The following AGGF1 variants were observed in gnomAD, a reference collection of about 807,000 sequenced individuals.
The protein encoded by AGGF1 is angiogenic factor with G patch and FHA domains 1.
Under a neutral mutation model 86.5 loss-of-function variants are expected in AGGF1, and 56 were observed. That is an observed-to-expected ratio of 0.65 (90% confidence interval 0.52 to 0.81). AGGF1 has a LOEUF of 0.81. Among genes scored for constraint, AGGF1 ranks in the 30% least tolerant of loss-of-function variants. The pLI is 0.00. For synonymous variants in AGGF1, 313 were observed against 297.1 expected (o/e 1.05, Z -0.55); for missense variants, 816 against 850.9 (o/e 0.96, Z 0.51).
At chr5:77,033,403 A>G (rs1580122124) in intron 1 of AGGF1, among the ~76,000 whole-genome samples, 1 of 152,212 alleles carries the variant, frequency 6.6e-6, no homozygotes, top group Non-Finnish European at 1.5e-5. Flanking sequence ...CTAAAGCATC[A>G]AGTATAGTGC....
At chr5:77,045,317 A>G (rs563684207) in intron 5 of AGGF1, among the ~76,000 whole-genome samples, 3 of 152,340 alleles carry the variant, frequency 2.0e-5, no homozygotes, top group South Asian at 4.1e-4. Context: ...CTGAGAGCAA[A>G]TTTTAAGTTT....
intron 5 of AGGF1, among the ~76,000 whole-genome samples, chr5:77,043,662 T>C (rs1375046039): frequency 2.3e-5 from 3 of 129,502 alleles, no homozygotes; most frequent in Admixed American, 1.5e-4. Flanking sequence ...ATGGGGCGGC[T>C]GGCCGGGCGG....
rs775877518 is a variant in AGGF1 at position 77,046,343 on chromosome 5, C to G, written c.871-4C>G. ...TTCCCTCGTATCTACCCACCCTTCT[C>G]CAGGATTTGAACTCAGAGGATCAAA... On this transcript the variant is annotated splice_polypyrimidine_tract_variant and splice_region_variant and intron_variant, in intron 5 of 13. Transcript: ENST00000312916. The G allele has an allele frequency of 6.2e-7, 1 of 1,612,156 alleles. No individual in the cohort carries two copies. Among genetic ancestry groups the G allele is most frequent in the Non-Finnish European group, 8.5e-7 (1 of 1,178,688 alleles).
At chr5:77,046,309 T>C in intron 5 of AGGF1, 38 bp from the exon 6 acceptor site, 1 of 1,505,766 alleles carries the variant, frequency 6.6e-7, no homozygotes, top group Non-Finnish European at 9.2e-7. Flanking sequence ...TTAAGAGTAT[T>C]CTCCCCTGTT....
chr5:77,063,386 T>G lies in AGGF1; in HGVS notation c.*134T>G. 1.0e-6 allele frequency: 1 copy of G among 1,002,156 alleles called. No homozygotes were observed. Among genetic ancestry groups the G allele is most frequent in the South Asian group, 1.6e-5 (1 of 64,370 alleles). The allele number at this position is 1,002,156 out of a possible 1,614,324, so 62.1% of individuals were successfully genotyped here. ...CCTCTTCCTGATTCAGAAATGTGTA[T>G]GGTTTGCAGCTTTTAAAAACCATTT... On this transcript the variant is annotated 3_prime_UTR_variant, in exon 14 of 14. Coordinates refer to ENST00000312916, the MANE Select transcript of AGGF1 (RefSeq NM_018046.5).
At position 77,035,544 on chromosome 5, in the gene AGGF1, A is replaced by G; in HGVS notation, c.317A>G (p.Tyr106Cys). 1 of 1,609,980 alleles carries G rather than the reference A, an allele frequency of 6.2e-7. No individual in the cohort carries two copies. Among genetic ancestry groups the G allele is most frequent in the Non-Finnish European group, 8.5e-7 (1 of 1,177,310 alleles). Residue 106 changes from tyrosine to cysteine, a missense_variant, in exon 3 of 14, where the codon TAT becomes TGT. Physicochemically the swap from Tyr to Cys is radical, Grantham distance 194. This residue lies in a region of AGGF1 where 240 missense variants were observed against 234.4 expected (regional missense o/e 1.02). Transcript: ENST00000312916. ...TCACTTCATTTTTTTGCTACAGATTATTTTTATCAGACGTACTACAATGAC... is the reference window on the plus strand; with the variant it reads ...TCACTTCATTTTTTTGCTACAGATTGTTTTTATCAGACGTACTACAATGAC... ...ENHAPWSISD[Y>C]FYQTYYNDVS...
intron 4 of AGGF1, among the ~76,000 whole-genome samples, chr5:77,038,613 A>C (rs1747006155): frequency 6.6e-6 from 1 of 152,202 alleles, no homozygotes; most frequent in South Asian, 2.1e-4. Flanking sequence ...AGAAATCTAA[A>C]TATTTTTTGT....
chr5:77,039,483 T>C (rs1561284819), intron 4 of AGGF1, 48 bp from the exon 5 acceptor site: 1 of 1,476,436 alleles, frequency 6.8e-7, no homozygotes, highest in Non-Finnish European at 9.3e-7. Context: ...TCGTTAAGTT[T>C]ATTTTATCTT....
At position 77,046,102 on chromosome 5, in the gene AGGF1, A is replaced by G. The variant is rs1268189148; in HGVS notation, c.871-245A>G. ...TGAGAAAAGTCTGTAGCACTTCGTAATTTTATATATGGTTAAGGGGATCTC... is the reference window on the plus strand; with the variant it reads ...TGAGAAAAGTCTGTAGCACTTCGTAGTTTTATATATGGTTAAGGGGATCTC... On this transcript the variant is annotated intron_variant, in intron 5 of 13. Transcript: ENST00000312916. Among the ~76,000 whole-genome samples, 9 of 152,202 alleles carry G rather than the reference A, an allele frequency of 5.9e-5. No individual in the cohort carries two copies. The East Asian group carries it at 1.7e-3, about 29-fold the overall frequency.
chr5:77,042,590 C>G (rs1580127321), intron 5 of AGGF1, among the ~76,000 whole-genome samples: 1 of 66,938 alleles, frequency 1.5e-5, no homozygotes, highest in Non-Finnish European at 3.6e-5. Flanking sequence ...GGGCTGACCC[C>G]CCCCCACCTC....
chr5:77,035,793 C>A, intron 3 of AGGF1, 50 bp downstream of exon 3: 5 of 1,503,198 alleles, frequency 3.3e-6, no homozygotes, highest in Non-Finnish European at 3.7e-6. Context: ...ACCTGTCCTT[C>A]TTTGTTGTTA....
At chr5:77,037,609 C>A (rs931717348) in intron 4 of AGGF1, among the ~76,000 whole-genome samples, 9 of 152,068 alleles carry the variant, frequency 5.9e-5, no homozygotes, top group African/African-American at 2.2e-4. Context: ...GAGACTCTTT[C>A]TATAAAAAAT....
Position 77,052,720 on chromosome 5 carries a change from T to A in AGGF1, c.1380T>A (p.Ile460=). The part of the protein sequence containing the change: ...EVGVSKFHAE[I]YFDHDLQSYV... Reference sequence around the variant, plus strand: ...CACTTTCTAAGTTTCATGCAGAAATTTATTTTGACCATGACTTACAAAGTT... The same window carrying A: ...CACTTTCTAAGTTTCATGCAGAAATATATTTTGACCATGACTTACAAAGTT... The change falls in exon 9 of 14, where the codon ATT becomes ATA. Residue 460 remains isoleucine, a synonymous_variant. Transcript: ENST00000312916. The A allele has an allele frequency of 6.2e-7, 1 of 1,613,142 alleles. No individual in the cohort carries two copies. Among genetic ancestry groups the A allele is most frequent in the Non-Finnish European group, 8.5e-7 (1 of 1,179,490 alleles).
chr5:77,033,914 C>T (rs1746916745), intron 1 of AGGF1, among the ~76,000 whole-genome samples: 1 of 152,186 alleles, frequency 6.6e-6, no homozygotes, highest in African/African-American at 2.4e-5. Context: ...ATGCCCCTCT[C>T]AGGCCGTCAC....
chr5:77,040,394 G>T (rs1747051685), intron 5 of AGGF1, among the ~76,000 whole-genome samples: 1 of 149,072 alleles, frequency 6.7e-6, no homozygotes, highest in Non-Finnish European at 1.5e-5. Context: ...ACAGGCATGA[G>T]CCACCGCACC....
At chr5:77,033,827 A>G (rs972139611) in intron 1 of AGGF1, among the ~76,000 whole-genome samples, 1 of 152,174 alleles carries the variant, frequency 6.6e-6, no homozygotes, top group African/African-American at 2.4e-5. Flanking sequence ...GGGCACTTCC[A>G]CACACTTGTT....
At chr5:77,045,118 A>G (rs1747220179) in intron 5 of AGGF1, among the ~76,000 whole-genome samples, 1 of 151,816 alleles carries the variant, frequency 6.6e-6, no homozygotes, top group South Asian at 2.1e-4. Flanking sequence ...ATTTTATAAA[A>G]TAACAGAAGA....
chr5:77,035,983 A>G, intron 3 of AGGF1: 1 of 438,310 alleles, frequency 2.3e-6, no homozygotes, highest in Non-Finnish European at 4.1e-6. Context: ...TACATAAACT[A>G]AAACAAAATT....
intron 2 of AGGF1, among the ~76,000 whole-genome samples, chr5:77,035,067 T>C (rs1021198508): frequency 4.6e-5 from 7 of 152,214 alleles, no homozygotes; most frequent in East Asian, 1.9e-4. Flanking sequence ...AACATAGCAA[T>C]AGTGCTAACT....
Sources: allele counts gnomAD v4.1 joint callset (sites outside exome capture counted in the v4.1 genomes callset), GRCh38; gene constraint gnomAD v4.1.1; regional missense constraint gnomAD v4.1.1; transcripts MANE v1.5; gene names NCBI Gene and HGNC (gene_info 2026-07-23, HGNC 2026-07-21).